PCGF5: variants seen among roughly 807,000 people sequenced by gnomAD.
The protein encoded by PCGF5 is polycomb group ring finger 5.
PCGF5 carries 9 observed loss-of-function variants against 44.3 expected under a neutral mutation model. The observed-to-expected ratio is 0.20, with a 90% CI of 0.12 to 0.35. PCGF5 has a LOEUF of 0.35. PCGF5 is among the 10% of genes least tolerant of loss of function. The pLI is 1.00. For synonymous variants in PCGF5, 95 were observed against 102.5 expected, an observed-to-expected ratio of 0.93 and a Z score of 0.44; for missense variants, 146 against 305.3, an observed-to-expected ratio of 0.48 and a Z score of 3.89.
chr10:91,267,841 T>C (rs1846083525), intron 8 of PCGF5, among the ~76,000 whole-genome samples: 1 of 152,202 alleles, frequency 6.6e-6, no homozygotes, highest in African/African-American at 2.4e-5. Flanking sequence ...ATTGGCTAAC[T>C]AGCTCTGCCT....
At chr10:91,269,513 C>T (rs923241501) in intron 8 of PCGF5, among the ~76,000 whole-genome samples, 1 of 152,128 alleles carries the variant, frequency 6.6e-6, no homozygotes, top group Non-Finnish European at 1.5e-5. Flanking sequence ...TAACACACCC[C>T]TTTGATGGAC....
At chr10:91,167,062 C>T (rs1355556432) in intron 1 of PCGF5, among the ~76,000 whole-genome samples, 3 of 152,052 alleles carry the variant, frequency 2.0e-5, no homozygotes, top group African/African-American at 7.2e-5. Context: ...ATACAGTTCT[C>T]CTGCAATTTT....
At chr10:91,195,298 T>G (rs999044736) in intron 1 of PCGF5, among the ~76,000 whole-genome samples, 5 of 150,814 alleles carry the variant, frequency 3.3e-5, no homozygotes, top group Non-Finnish European at 7.4e-5. Flanking sequence ...AAAAAAAAAG[T>G]CAAATATTAA....
chr10:91,202,169 T>C lies in PCGF5; in HGVS notation c.-183-20520T>C, dbSNP rs74149082. ...TTTATATGTTCACTGCTTAGAACCA[T>C]GCCTTCGTATAAAATGTGCTGTATA... On this transcript the variant is annotated intron_variant, in intron 1 of 9. Transcript: ENST00000614189. Among the ~76,000 whole-genome samples, 1,296 of 152,368 alleles carry C rather than the reference T, an allele frequency of 8.5e-3. 18 individuals carry two copies. The highest frequency in any genetic ancestry group is 0.03 in the African/African-American group (1,239 of 41,580).
chr10:91,282,273 T>C lies in PCGF5; in HGVS notation c.*3957T>C, dbSNP rs1846473486. 6.6e-6 allele frequency: 1 copy of C among 152,160 alleles called. No homozygotes were observed. Among genetic ancestry groups the C allele is most frequent in the Non-Finnish European group, 1.5e-5 (1 of 68,070 alleles). 9.4% of individuals were successfully genotyped at this position (152,160 alleles called of 1,614,324 possible). On this transcript the variant is annotated 3_prime_UTR_variant, in exon 10 of 10. Coordinates refer to ENST00000336126, the MANE Select transcript of PCGF5 (RefSeq NM_032373.5). ...GCCAAGGCAGGTGGATCACTTGAGG[T>C]CAGGAGTTCGAGACCAGCTGGTTAA...
intron 2 of PCGF5, chr10:91,227,700 C>T (rs893181715): frequency 6.7e-6 from 7 of 1,048,426 alleles, no homozygotes; most frequent in South Asian, 6.2e-5. Flanking sequence ...AAAGGTATCC[C>T]GTTGACCTCA....
chr10:91,227,448 T>C (rs2133298790), intron 2 of PCGF5: 2 of 1,289,278 alleles, frequency 1.6e-6, no homozygotes, highest in Non-Finnish European at 2.0e-6. Context: ...GCAAGAAATA[T>C]GCTCCATGCT....
chr10:91,169,579 A>G (rs1204166711), intron 1 of PCGF5, among the ~76,000 whole-genome samples: 2 of 152,246 alleles, frequency 1.3e-5, no homozygotes, highest in African/African-American at 4.8e-5. Flanking sequence ...CTAACAAAAT[A>G]TGTATAAAAT....
chr10:91,163,011 C>A (rs1843417048), upstream of PCGF5: 1 of 146,494 alleles, frequency 6.8e-6, no homozygotes, highest in South Asian at 2.1e-4. Flanking sequence ...TCACCTACCG[C>A]CCCACGCGCG....
At chr10:91,218,632 T>C (rs1466043105), upstream of PCGF5, among the ~76,000 whole-genome samples, 1 of 151,610 alleles carries the variant, frequency 6.6e-6, no homozygotes, top group East Asian at 1.9e-4. Context: ...GTTATTATTC[T>C]TATTTTATTA....
intron 2 of PCGF5, among the ~76,000 whole-genome samples, chr10:91,226,612 G>C (rs547725637): frequency 6.6e-6 from 1 of 152,282 alleles, no homozygotes; most frequent in South Asian, 2.1e-4. Flanking sequence ...CCTCAAACCA[G>C]ATAGGTTGGT....
chr10:91,193,719 T>A (rs1844077083), intron 1 of PCGF5, among the ~76,000 whole-genome samples: 1 of 152,122 alleles, frequency 6.6e-6, no homozygotes, highest in Non-Finnish European at 1.5e-5. Flanking sequence ...TTGATGTAAT[T>A]TTTTAAAGGA....
At chr10:91,200,844 G>A (rs919650106) in intron 1 of PCGF5, among the ~76,000 whole-genome samples, 2 of 152,164 alleles carry the variant, frequency 1.3e-5, no homozygotes, top group African/African-American at 4.8e-5. Context: ...AGCATTCAAT[G>A]AAGTAATTGA....
At chr10:91,164,640 T>G (rs1843465134) in intron 1 of PCGF5, among the ~76,000 whole-genome samples, 1 of 152,236 alleles carries the variant, frequency 6.6e-6, no homozygotes, top group Admixed American at 6.5e-5. Flanking sequence ...CGGTTGCCAT[T>G]CATGAATACA....
chr10:91,196,513 C>T (rs1473726960), intron 1 of PCGF5, among the ~76,000 whole-genome samples: 3 of 152,180 alleles, frequency 2.0e-5, no homozygotes, highest in Non-Finnish European at 4.4e-5. Flanking sequence ...CAGATCTTTC[C>T]ATGGCTTCAC....
upstream of PCGF5, among the ~76,000 whole-genome samples, chr10:91,215,539 A>T (rs1438287981): frequency 1.3e-5 from 2 of 152,214 alleles, no homozygotes; most frequent in Non-Finnish European, 2.9e-5. Flanking sequence ...CTTATTTTCA[A>T]ATGTGCCCTC....
chr10:91,235,914 A>G (rs1845149586), intron 2 of PCGF5, among the ~76,000 whole-genome samples: 1 of 152,070 alleles, frequency 6.6e-6, no homozygotes, highest in Admixed American at 6.6e-5. Flanking sequence ...GTATGTCTTT[A>G]TCAGCAGCGT....
intron 6 of PCGF5, among the ~76,000 whole-genome samples, chr10:91,258,328 T>TG (rs1564652952): frequency 2.0e-5 from 3 of 152,138 alleles, no homozygotes. Flanking sequence ...TCTTGACAGA[T>TG]GAAAAATACA....
chr10:91,227,762 C>T, intron 2 of PCGF5: 1 of 999,626 alleles, frequency 1.0e-6, no homozygotes, highest in Non-Finnish European at 1.2e-6. Flanking sequence ...CCACTTCCTC[C>T]CCTACCACCT....
Sources: gnomAD v4.1 joint callset for allele counts (sites outside exome capture counted in the v4.1 genomes callset) on GRCh38, gnomAD v4.1.1 for gene constraint, MANE v1.5 for transcripts, NCBI Gene and HGNC (gene_info 2026-07-23, HGNC 2026-07-21) for gene names.